Variants in PLCB1 observed in about 807,000 individuals in gnomAD.
PLCB1 encodes the protein 1-phosphatidylinositol 4,5-bisphosphate phosphodiesterase beta-1.
A neutral mutation model predicts 161.8 loss-of-function variants in PLCB1; 46 were observed. The observed-to-expected ratio is 0.28, with a 90% CI of 0.22 to 0.36. PLCB1 has a LOEUF of 0.36. Among genes scored for constraint, PLCB1 ranks in the 10% least tolerant of loss-of-function variants. The pLI, the probability that PLCB1 is intolerant of heterozygous loss-of-function variation, is 1.00. For synonymous variants in PLCB1, 517 were observed against 503.7 expected, an observed-to-expected ratio of 1.03 and a Z score of -0.35; for missense variants, 1,016 against 1,472.5, an observed-to-expected ratio of 0.69 and a Z score of 5.07.
chr20:8,506,672 T>C (rs1380201327), intron 3 of PLCB1, among the ~76,000 whole-genome samples: 1 of 152,194 alleles, frequency 6.6e-6, no homozygotes, highest in East Asian at 1.9e-4. Context: ...TCAGTCCATC[T>C]AACTGACCTT....
chr20:8,757,830 C>T (rs772887982), intron 24 of PLCB1, among the ~76,000 whole-genome samples: 17 of 150,918 alleles, frequency 1.1e-4, no homozygotes, highest in Non-Finnish European at 2.4e-4. Context: ...ACAGCCAAAG[C>T]CACACTCTTG....
intron 3 of PLCB1, among the ~76,000 whole-genome samples, chr20:8,605,411 CACTT>C (rs1294784354): frequency 6.6e-6 from 1 of 151,990 alleles, no homozygotes; most frequent in South Asian, 2.1e-4. Context: ...TAATTGAACA[CACTT>C]AATACTTCAT....
At chr20:8,240,300 A>ACACG (rs1555792313) in intron 2 of PLCB1, among the ~76,000 whole-genome samples, 1 of 117,294 alleles carries the variant, frequency 8.5e-6, no homozygotes, top group Middle Eastern at 3.8e-3. Context: ...ACACACACAC[A>ACACG]CACACGCACA....
intron 3 of PLCB1, among the ~76,000 whole-genome samples, chr20:8,518,012 T>C (rs1252645351): frequency 2.0e-5 from 3 of 151,954 alleles, no homozygotes; most frequent in Non-Finnish European, 4.4e-5. Context: ...TGAAACCCCG[T>C]CTCTACTAAA....
At chr20:8,413,307 G>C (rs1043677044) in intron 3 of PLCB1, among the ~76,000 whole-genome samples, 1 of 151,984 alleles carries the variant, frequency 6.6e-6, no homozygotes, top group Admixed American at 6.6e-5. Context: ...TTTCCCTTTC[G>C]TTGACAAAGA....
At chr20:8,853,800 T>G (rs1986970125) in intron 31 of PLCB1, among the ~76,000 whole-genome samples, 2 of 152,188 alleles carry the variant, frequency 1.3e-5, no homozygotes, top group African/African-American at 2.4e-5. Context: ...ATAAGACGCT[T>G]TCTTCTCCTT....
At chr20:8,482,372 G>T (rs1337975165) in intron 3 of PLCB1, among the ~76,000 whole-genome samples, 1 of 152,130 alleles carries the variant, frequency 6.6e-6, no homozygotes, top group African/African-American at 2.4e-5. Context: ...AAAGTGGTGG[G>T]ATTATAGGTG....
At chr20:8,588,424 T>A (rs1395149591) in intron 3 of PLCB1, among the ~76,000 whole-genome samples, 1 of 152,136 alleles carries the variant, frequency 6.6e-6, no homozygotes, top group Non-Finnish European at 1.5e-5. Context: ...AACTAAATTG[T>A]GCTCACCCCA....
intron 27 of PLCB1, among the ~76,000 whole-genome samples, chr20:8,782,630 G>C (rs1319444122): frequency 6.6e-6 from 1 of 152,158 alleles, no homozygotes; most frequent in Non-Finnish European, 1.5e-5. Context: ...GGCTTTGAGT[G>C]ATCCTCCTGC....
In PLCB1 at chr20:8,729,187, T is replaced by G; in HGVS notation, c.1888+13T>G. ...TTCCAGACAATGGGTAAGTACATGC[T>G]TGTTCCCATTCTGCTATGAACTCAC... On this transcript the variant is annotated intron_variant, in intron 18 of 31. Coordinates refer to ENST00000338037, the MANE Select transcript of PLCB1 (RefSeq NM_015192.4). 1.3e-6 allele frequency: 2 copies of G among 1,596,240 alleles called. No homozygotes were observed. Among genetic ancestry groups the G allele is most frequent in the Middle Eastern group, 1.7e-4 (1 of 6,018 alleles).
chr20:8,296,596 G>A (rs988301368), intron 2 of PLCB1, among the ~76,000 whole-genome samples: 21 of 152,184 alleles, frequency 1.4e-4, no homozygotes, highest in African/African-American at 4.3e-4. Context: ...GGAAAAAGAA[G>A]GAGCAGAGGG....
intron 3 of PLCB1, among the ~76,000 whole-genome samples, chr20:8,417,552 CT>C (rs1472839117): frequency 6.6e-6 from 1 of 151,866 alleles, no homozygotes; most frequent in African/African-American, 2.4e-5. Flanking sequence ...TGTACTACAA[CT>C]ACAATGTTGA....
At chr20:8,336,551 A>C (rs1985588825) in intron 2 of PLCB1, among the ~76,000 whole-genome samples, 1 of 152,098 alleles carries the variant, frequency 6.6e-6, no homozygotes, top group Non-Finnish European at 1.5e-5. Flanking sequence ...GATCTTGTTA[A>C]AATGCAGGTT....
intron 31 of PLCB1, among the ~76,000 whole-genome samples, chr20:8,814,584 T>TGTGTGTGTGTGC (rs1984993496): frequency 6.7e-6 from 1 of 150,286 alleles, no homozygotes; most frequent in African/African-American, 2.5e-5. Flanking sequence ...TGCATGTGTG[T>TGTGTGTGTGTGC]GTGTGTGTGT....
chr20:8,203,629 T>C (rs1288059738), intron 2 of PLCB1, among the ~76,000 whole-genome samples: 1 of 151,902 alleles, frequency 6.6e-6, no homozygotes, highest in Non-Finnish European at 1.5e-5. Context: ...CACAGACAAA[T>C]CAGGTTCCTG....
intron 3 of PLCB1, among the ~76,000 whole-genome samples, chr20:8,492,295 A>C (rs1054614673): frequency 2.0e-5 from 3 of 152,068 alleles, no homozygotes; most frequent in African/African-American, 7.2e-5. Flanking sequence ...TCTGACTTGT[A>C]AATAACTTAT....
intron 3 of PLCB1, among the ~76,000 whole-genome samples, chr20:8,426,144 G>A (rs528807477): frequency 1.3e-5 from 2 of 152,306 alleles, no homozygotes; most frequent in South Asian, 4.1e-4. Context: ...TTTGTTTCCT[G>A]AAACGTGGAA....
At chr20:8,641,472 A>G (rs190858341) in intron 4 of PLCB1, among the ~76,000 whole-genome samples, 2 of 152,380 alleles carry the variant, frequency 1.3e-5, no homozygotes, top group Admixed American at 6.5e-5. Flanking sequence ...GAGATCCCAC[A>G]TAAGTTATGA....
At chr20:8,274,066 T>C (rs1016002067) in intron 2 of PLCB1, among the ~76,000 whole-genome samples, 3 of 148,696 alleles carry the variant, frequency 2.0e-5, no homozygotes, top group African/African-American at 4.9e-5. Context: ...ACTAGCTGGA[T>C]ATTTTCAGTG....
Sources: gnomAD v4.1 joint callset for allele counts (sites outside exome capture counted in the v4.1 genomes callset) on GRCh38, gnomAD v4.1.1 for gene constraint, MANE v1.5 for transcripts, NCBI Gene and HGNC (gene_info 2026-07-23, HGNC 2026-07-21) for gene names.